Variants in PATJ observed in about 807,000 individuals in gnomAD.
PATJ encodes the protein PATJ crumbs cell polarity complex component, also known as inaD-like protein.
In PATJ, 190 loss-of-function variants were observed where a neutral mutation model predicts 224.9. The observed-to-expected ratio is 0.84, with a 90% CI of 0.75 to 0.95. The LOEUF is 0.95. Among genes scored for constraint, PATJ ranks in the 40% least tolerant of loss-of-function variants. PATJ has a pLI of 0.00. For synonymous variants in PATJ, 769 were observed against 820.3 expected (o/e 0.94, Z 1.07); for missense variants, 2,121 against 2,270.3 (o/e 0.93, Z 1.34).
chr1:62,050,120 CAAAAA>C (rs35986021), intron 30 of PATJ, among the ~76,000 whole-genome samples: 6 of 95,212 alleles, frequency 6.3e-5, no homozygotes, highest in Admixed American at 2.4e-4. Flanking sequence ...TCTGCCCCAC[CAAAAA>C]AAAAAAAAAA....
In PATJ at chr1:62,098,633, C is replaced by T. The variant is rs566912830; in HGVS notation, c.4378-9804C>T. Among the ~76,000 whole-genome samples the T allele has an allele frequency of 2.0e-5, 3 of 151,870 alleles. No homozygotes were observed. In the East Asian group the frequency reaches 5.8e-4, roughly 29 times the overall value. On this transcript the variant is annotated intron_variant, in intron 33 of 43. Transcript: ENST00000642238. ...GTCATGTAGTTCATTCAACTCTGTG[C>T]TTTACTGGTAATATTAGTGTCATGA...
intron 31 of PATJ, among the ~76,000 whole-genome samples, chr1:62,058,653 A>G (rs1330386298): frequency 6.6e-6 from 1 of 152,226 alleles, no homozygotes; most frequent in Non-Finnish European, 1.5e-5. Flanking sequence ...AGCACGTGGC[A>G]TGCAGTAAGA....
At chr1:61,977,928 G>A (rs950300987) in intron 27 of PATJ, among the ~76,000 whole-genome samples, 4 of 150,086 alleles carry the variant, frequency 2.7e-5, no homozygotes, top group Non-Finnish European at 5.9e-5. Context: ...ATAAAAATAA[G>A]TTGATTGAAA....
At chr1:61,805,806 G>C (rs903490026) in intron 13 of PATJ, among the ~76,000 whole-genome samples, 1 of 152,202 alleles carries the variant, frequency 6.6e-6, no homozygotes, top group Non-Finnish European at 1.5e-5. Context: ...AAACTGTTGG[G>C]AGAGAGGGCT....
At chr1:62,075,755 A>G (rs1658181500) in intron 31 of PATJ, among the ~76,000 whole-genome samples, 1 of 151,966 alleles carries the variant, frequency 6.6e-6, no homozygotes, top group Non-Finnish European at 1.5e-5. Flanking sequence ...CGTCTCTACT[A>G]AAAATACAAA....
chr1:61,936,763 G>A (rs1676948686), intron 27 of PATJ, among the ~76,000 whole-genome samples: 1 of 151,936 alleles, frequency 6.6e-6, no homozygotes, highest in African/African-American at 2.4e-5. Context: ...GTAGAGATGG[G>A]GTTTCACCAT....
At chr1:61,748,595 A>G (rs1282950652) in intron 1 of PATJ, among the ~76,000 whole-genome samples, 1 of 152,136 alleles carries the variant, frequency 6.6e-6, no homozygotes, top group Non-Finnish European at 1.5e-5. Flanking sequence ...GGTCCTCTCT[A>G]TAACCTCCTC....
chr1:61,833,810 T>G (rs747422303), intron 17 of PATJ, 25 bp downstream of exon 17: 4 of 1,601,610 alleles, frequency 2.5e-6, no homozygotes, highest in Non-Finnish European at 3.4e-6. Context: ...GTAGAGGTGT[T>G]TTCTTTGGAG....
At chr1:61,754,485 C>A (rs866096562) in intron 1 of PATJ, among the ~76,000 whole-genome samples, 1 of 150,520 alleles carries the variant, frequency 6.6e-6, no homozygotes, top group Non-Finnish European at 1.5e-5. Flanking sequence ...ACTGGAACTA[C>A]AGCTTTGCCA....
intron 31 of PATJ, among the ~76,000 whole-genome samples, chr1:62,056,370 A>G (rs1168399094): frequency 6.6e-6 from 1 of 152,172 alleles, no homozygotes; most frequent in Non-Finnish European, 1.5e-5. Context: ...ATGTTAAATA[A>G]ATTGCCTTGG....
chr1:61,900,612 C>T (rs551484589), intron 23 of PATJ, among the ~76,000 whole-genome samples: 6 of 150,814 alleles, frequency 4.0e-5, no homozygotes, highest in African/African-American at 7.3e-5. Flanking sequence ...TTTTTTGAGA[C>T]GGAGTCTGGC....
At chr1:61,889,434 C>T (rs1020544006) in intron 22 of PATJ, among the ~76,000 whole-genome samples, 1 of 152,144 alleles carries the variant, frequency 6.6e-6, no homozygotes, top group Admixed American at 6.5e-5. Flanking sequence ...ACAGTAGTCC[C>T]TTCTTATCTT....
chr1:62,013,390 G>T (rs934736415), intron 28 of PATJ: 7 of 985,170 alleles, frequency 7.1e-6, no homozygotes, highest in African/African-American at 5.2e-5. Flanking sequence ...ACTCGCAGTT[G>T]ATTAAGCACC....
chr1:62,117,298 T>C, intron 37 of PATJ, 80 bp downstream of exon 37: 2 of 1,592,828 alleles, frequency 1.3e-6, no homozygotes, highest in Non-Finnish European at 1.7e-6. Flanking sequence ...AAATGGTTGT[T>C]TGGAAATAAT....
At chr1:62,160,774 AG>A (rs1451383980) in intron 43 of PATJ, 133 bp from the exon 44 acceptor site, 1 of 807,984 alleles carries the variant, frequency 1.2e-6, no homozygotes, top group Non-Finnish European at 1.9e-6. Context: ...AACATTACCT[AG>A]AAAAAACTTA....
intron 22 of PATJ, among the ~76,000 whole-genome samples, chr1:61,885,446 T>C (rs1668681310): frequency 6.6e-6 from 1 of 152,116 alleles, no homozygotes; most frequent in Non-Finnish European, 1.5e-5. Context: ...TCACTGGCCA[T>C]CAGAGAAATG....
rs545787059 is a variant in PATJ at position 61,756,399 on chromosome 1, A to G, written c.-35-6459A>G. On this transcript the variant is annotated intron_variant, in intron 1 of 43. Coordinates refer to ENST00000642238, the MANE Select transcript of PATJ (RefSeq NM_001350145.3). ...AGGGTCACAGGAGAGAACTTGCTAG[A>G]AATGCAGATTTTCAGGGCCCACCTC... 3.3e-4 allele frequency among the ~76,000 whole-genome samples: 50 copies of G among 152,176 alleles called. 1 individual carries two copies. Among genetic ancestry groups the G allele is most frequent in the Admixed American group, 2.0e-4 (3 of 15,260 alleles).
At chr1:61,813,643 G>T (rs892642372) in intron 14 of PATJ, among the ~76,000 whole-genome samples, 1 of 151,796 alleles carries the variant, frequency 6.6e-6, no homozygotes, top group Non-Finnish European at 1.5e-5. Flanking sequence ...AATGGGAGGA[G>T]GCCAAAAATA....
chr1:61,894,263 A>C (rs539838346), intron 22 of PATJ, among the ~76,000 whole-genome samples: 2,280 of 137,932 alleles, frequency 0.017, 59 homozygotes, highest in African/African-American at 0.064. Flanking sequence ...TCATAAAAAA[A>C]AAAAAACACA....
Sources: allele counts gnomAD v4.1 joint callset (sites outside exome capture counted in the v4.1 genomes callset), GRCh38; gene constraint gnomAD v4.1.1; transcripts MANE v1.5; gene names NCBI Gene and HGNC (gene_info 2026-07-23, HGNC 2026-07-21).